The following LGALS4 variants were observed in gnomAD, a reference collection of about 807,000 sequenced individuals.
LGALS4 encodes galectin-4.
In LGALS4, 37 loss-of-function variants were observed where a neutral mutation model predicts 39.6. That is an observed-to-expected ratio of 0.93 (90% CI 0.72 to 1.23). The LOEUF is 1.23. Ranked by LOEUF, LGALS4 falls within the 50% of genes most tolerant of loss-of-function variation. The pLI is 0.00. For synonymous variants in LGALS4, 160 were observed against 165.5 expected, an observed-to-expected ratio of 0.97 and a Z score of 0.25; for missense variants, 397 against 433.2, an observed-to-expected ratio of 0.92 and a Z score of 0.74.
In LGALS4 at chr19:38,802,023, T is replaced by C. The variant is rs1971362359; in HGVS notation, c.794A>G (p.His265Arg). ...GAACTGTCCGGGACCAAATGGGTTG[T>C]GGGTGATCTTCTTCTCCTCGGATCC... ...SWGSEEKKIT[H>R]NPFGPGQFFD... Residue 265 changes from histidine to arginine, a missense_variant, in exon 9 of 10, where the codon CAC (histidine) becomes CGC (arginine). By Grantham distance (29) the His-to-Arg change is conservative. Coordinates refer to ENST00000307751, the MANE Select transcript of LGALS4 (RefSeq NM_006149.4). The C allele has an allele frequency of 1.2e-6, 2 of 1,614,210 alleles. No homozygotes were observed. The highest frequency in any genetic ancestry group is 1.7e-6 in the Non-Finnish European group (2 of 1,180,028).
Position 38,812,747 on chromosome 19 carries a change from TCAG to T in LGALS4, c.45+92_45+94del. On this transcript the variant is annotated intron_variant, in intron 1 of 9. Coordinates refer to ENST00000307751, the MANE Select transcript of LGALS4 (RefSeq NM_006149.4). ...GCTTTGGGTAAATCAGACCACAGAG[TCAG>T]ATGGGGCCCCCCAGGATCAGAGTGG... 4 of 1,392,060 alleles carry T rather than the reference TCAG, an allele frequency of 2.9e-6. No homozygotes were observed. The South Asian group carries it at 4.7e-5, about 16-fold the overall frequency. The allele number at this position is 1,392,060 out of a possible 1,614,324, so 86.2% of individuals were successfully genotyped here. A position where few individuals can be genotyped will look rare whatever the true frequency, so the allele number is the denominator to read the frequency against.
intron 1 of LGALS4, 49 bp downstream of exon 1, chr19:38,812,793 G>T: frequency 6.3e-7 from 1 of 1,595,098 alleles, no homozygotes; most frequent in Non-Finnish European, 8.6e-7. Flanking sequence ...TGGTGTGAGG[G>T]CTTATGGACG....
At chr19:38,807,856 A>C (rs1376850381) in intron 3 of LGALS4, among the ~76,000 whole-genome samples, 1 of 152,120 alleles carries the variant, frequency 6.6e-6, no homozygotes, top group African/African-American at 2.4e-5. Flanking sequence ...TGGTGTGTCA[A>C]CTCAGGGTTA....
Position 38,808,923 on chromosome 19 carries a change from G to A in LGALS4, c.160C>T (p.Gln54Ter). The change falls in exon 3 of 10, where the codon CAG becomes TAG. Residue 54 changes from glutamine (Q) to a stop codon, truncating the protein, a stop_gained. Coordinates refer to ENST00000307751, the MANE Select transcript of LGALS4 (RefSeq NM_006149.4). LOFTEE classifies it high-confidence loss of function. The part of the protein sequence containing the change: ...KRFFVNFVVG[Q>*]DPGSDVAFHF... The stretch of plus-strand genomic sequence containing the variant: ...AAGGCGACGTCTGAGCCCGGATCCT[G>A]CCCAACCACAAAGTTCACGAAGAAC... The A allele has an allele frequency of 6.2e-7, 1 of 1,612,890 alleles. No individual in the cohort carries two copies. The highest frequency in any genetic ancestry group is 8.5e-7 in the Non-Finnish European group (1 of 1,179,498).
At chr19:38,805,354 G>A (rs1292411305) in intron 4 of LGALS4, among the ~76,000 whole-genome samples, 4 of 151,676 alleles carry the variant, frequency 2.6e-5, no homozygotes, top group Admixed American at 2.0e-4. Flanking sequence ...CCTACTCCAG[G>A]AAGCACTTCC....
At chr19:38,807,636 G>A (rs998271899) in intron 3 of LGALS4, among the ~76,000 whole-genome samples, 2 of 151,930 alleles carry the variant, frequency 1.3e-5, no homozygotes, top group South Asian at 2.1e-4. Context: ...AAGAGACAGC[G>A]ACCATCAAGA....
intron 1 of LGALS4, 148 bp downstream of exon 1, chr19:38,812,694 G>A (rs1424065553): frequency 1.0e-6 from 1 of 991,192 alleles, no homozygotes; most frequent in Non-Finnish European, 1.6e-6. Context: ...CTGAGGTCAG[G>A]GTAGGAGTAA....
chr19:38,807,944 A>G (rs1412069263), intron 3 of LGALS4, among the ~76,000 whole-genome samples: 1 of 151,632 alleles, frequency 6.6e-6, no homozygotes, highest in East Asian at 1.9e-4. Flanking sequence ...AGTCATCACC[A>G]CTCCCTAATC....
intron 2 of LGALS4, among the ~76,000 whole-genome samples, chr19:38,811,248 G>T (rs1971490267): frequency 6.6e-6 from 1 of 152,010 alleles, no homozygotes; most frequent in Admixed American, 6.6e-5. Context: ...GCTCCACGAG[G>T]GCAGGGGTCT....
chr19:38,811,747 C>T (rs2145362851), intron 2 of LGALS4, among the ~76,000 whole-genome samples: 1 of 152,114 alleles, frequency 6.6e-6, no homozygotes, highest in East Asian at 1.9e-4. Context: ...GGCGCAGTGG[C>T]TCACGCCTGT....
chr19:38,804,221 C>T (rs1243976753), intron 4 of LGALS4, among the ~76,000 whole-genome samples: 1 of 152,200 alleles, frequency 6.6e-6, no homozygotes, highest in African/African-American at 2.4e-5. Context: ...GTCCCTGTGT[C>T]TCTGCCTCTC....
intron 9 of LGALS4, 37 bp downstream of exon 9, chr19:38,801,955 C>T (rs770116328): frequency 1.2e-6 from 2 of 1,613,802 alleles, no homozygotes; most frequent in Non-Finnish European, 8.5e-7. Context: ...AGGACTGAGG[C>T]CCTGGAAGGA....
intron 4 of LGALS4, 38 bp downstream of exon 4, chr19:38,806,423 G>A: frequency 7.6e-6 from 12 of 1,575,970 alleles, no homozygotes; most frequent in Non-Finnish European, 1.0e-5. Flanking sequence ...ACTGAATTTA[G>A]AAAGAAAGGA....
At chr19:38,803,438 G>T in intron 7 of LGALS4, 84 bp downstream of exon 7, 1 of 1,424,164 alleles carries the variant, frequency 7.0e-7, no homozygotes. Flanking sequence ...AAAACCCTCA[G>T]CCCACTCCCT....
rs548074872 is a variant in LGALS4 at position 38,810,991 on chromosome 19, T to C, written c.134+1440A>G. 3.9e-4 allele frequency among the ~76,000 whole-genome samples: 59 copies of C among 151,294 alleles called. 1 individual carries two copies. In the South Asian group the frequency reaches 0.012, roughly 30 times the overall value. ...ATCTCGGCTCACCGAAACCTCCACT[T>C]CCCAGGTTCAAGTGATTCTCCTGCC... On this transcript the variant is annotated intron_variant, in intron 2 of 9. Transcript: ENST00000307751.
intron 2 of LGALS4, 33 bp from the exon 3 acceptor site, chr19:38,808,981 G>T: frequency 6.5e-7 from 1 of 1,550,114 alleles, no homozygotes; most frequent in Non-Finnish European, 8.8e-7. Context: ...TTCCCCTGGT[G>T]CCACCTCCCG....
At chr19:38,803,719 G>A (rs1971388972) in intron 6 of LGALS4, 23 bp downstream of exon 6, 1 of 1,611,162 alleles carries the variant, frequency 6.2e-7, no homozygotes, top group Non-Finnish European at 8.5e-7. Context: ...CTCACCCGGG[G>A]CCCTCCCAGC....
Position 38,802,085 on chromosome 19 carries a change from A to T in LGALS4, c.732T>A (p.Gly244=). The change falls in exon 9 of 10, where the codon GGT becomes GGA. Residue 244 remains glycine (G), a synonymous_variant. Transcript: ENST00000307751. Reference sequence around the variant, plus strand: ...TCAGAAGGCTGTTCCGGACCACGGTACCGTTGCCCATGCGGGGATTAATGT... The same window carrying T: ...TCAGAAGGCTGTTCCGGACCACGGTTCCGTTGCCCATGCGGGGATTAATGT... ...ALHINPRMGN[G]TVVRNSLLNG... 1 of 1,614,216 alleles carries T rather than the reference A, an allele frequency of 6.2e-7. No homozygotes were observed. The highest frequency in any genetic ancestry group is 8.5e-7 in the Non-Finnish European group (1 of 1,180,034).
At chr19:38,807,389 G>C (rs1283563292) in intron 3 of LGALS4, among the ~76,000 whole-genome samples, 3 of 151,948 alleles carry the variant, frequency 2.0e-5, no homozygotes, top group Non-Finnish European at 4.4e-5. Flanking sequence ...AAAAGTACAC[G>C]TTTTGCAAAA....
Sources: gnomAD v4.1 joint callset for allele counts (sites outside exome capture counted in the v4.1 genomes callset) on GRCh38, gnomAD v4.1.1 for gene constraint, MANE v1.5 for transcripts, NCBI Gene and HGNC (gene_info 2026-07-23, HGNC 2026-07-21) for gene names.